The following NELL1 variants were observed in gnomAD, a reference collection of about 807,000 sequenced individuals.
The protein encoded by NELL1 is neural EGFL like 1.
A neutral mutation model predicts 107.4 loss-of-function variants in NELL1; 76 were observed. That is an observed-to-expected ratio of 0.71 (90% CI 0.59 to 0.86). The LOEUF (loss-of-function observed/expected upper bound fraction) is 0.86. Among genes scored for constraint, NELL1 ranks in the 40% least tolerant of loss-of-function variants. The pLI, the probability that NELL1 is intolerant of heterozygous loss-of-function variation, is 0.00. For synonymous variants in NELL1, 353 were observed against 341.2 expected (o/e 1.03, Z -0.38); for missense variants, 1,024 against 1,005.5 (o/e 1.02, Z -0.25).
At chr11:21,190,095 G>T (rs1461631096) in intron 13 of NELL1, among the ~76,000 whole-genome samples, 2 of 151,836 alleles carry the variant, frequency 1.3e-5, no homozygotes, top group Non-Finnish European at 2.9e-5. Flanking sequence ...GCTCATGCCT[G>T]TAATCCCAGC....
At chr11:21,461,094 G>A (rs937834494) in intron 15 of NELL1, among the ~76,000 whole-genome samples, 1 of 152,030 alleles carries the variant, frequency 6.6e-6, no homozygotes, top group Non-Finnish European at 1.5e-5. Flanking sequence ...GAAATTAGAG[G>A]CAGATGGGAA....
chr11:20,860,673 T>C (rs1848962805), intron 4 of NELL1, among the ~76,000 whole-genome samples: 2 of 152,344 alleles, frequency 1.3e-5, no homozygotes, highest in Non-Finnish European at 1.5e-5. Context: ...CTTTTGAGTA[T>C]TGTTCTCTTT....
intron 3 of NELL1, among the ~76,000 whole-genome samples, chr11:20,810,864 A>T (rs549091033): frequency 1.1e-4 from 16 of 150,886 alleles, no homozygotes; most frequent in African/African-American, 3.1e-4. Flanking sequence ...TTTTTTTTTT[A>T]AATGAGTTTT....
At position 21,334,043 on chromosome 11, in the gene NELL1, A is replaced by G. The variant is rs75182486; in HGVS notation, c.1550-36810A>G. The stretch of plus-strand genomic sequence containing the variant: ...TGCATTGGAGTTCATTCATTTATTA[A>G]TTTTTAAATTAAATCATTGTTGAGT... On this transcript the variant is annotated intron_variant, in intron 14 of 19. Coordinates refer to ENST00000357134, the MANE Select transcript of NELL1 (RefSeq NM_006157.5). 6.5e-3 allele frequency among the ~76,000 whole-genome samples: 989 copies of G among 152,178 alleles called. 11 individuals carry two copies. The highest frequency in any genetic ancestry group is 0.022 in the African/African-American group (913 of 41,554).
At chr11:20,975,963 TAC>T (rs1480136858) in intron 12 of NELL1, among the ~76,000 whole-genome samples, 1 of 98,534 alleles carries the variant, frequency 1.0e-5, no homozygotes, top group Non-Finnish European at 1.9e-5. Flanking sequence ...ACATTATATA[TAC>T]ATTATATATA....
chr11:21,546,301 T>C (rs1003260486), intron 16 of NELL1, among the ~76,000 whole-genome samples: 2 of 152,054 alleles, frequency 1.3e-5, no homozygotes, highest in Admixed American at 6.6e-5. Flanking sequence ...TAGTTTCAGC[T>C]TCCTGCCTTT....
intron 14 of NELL1, among the ~76,000 whole-genome samples, chr11:21,282,219 A>G (rs1290014483): frequency 1.3e-5 from 2 of 152,222 alleles, no homozygotes; most frequent in African/African-American, 4.8e-5. Flanking sequence ...AAAAGAAGAC[A>G]TACAAATGGC....
intron 13 of NELL1, among the ~76,000 whole-genome samples, chr11:21,161,828 A>G (rs2133800961): frequency 6.6e-6 from 1 of 151,984 alleles, no homozygotes; most frequent in African/African-American, 2.4e-5. Flanking sequence ...CTTATAGCAC[A>G]TCTTAAATTT....
At chr11:20,740,973 G>T (rs1286362724) in intron 2 of NELL1, among the ~76,000 whole-genome samples, 1 of 151,956 alleles carries the variant, frequency 6.6e-6, no homozygotes, top group Admixed American at 6.6e-5. Flanking sequence ...TCTGCTTTCT[G>T]CAGATTTAAC....
chr11:21,486,896 T>C (rs1186939226), intron 15 of NELL1, among the ~76,000 whole-genome samples: 1 of 152,044 alleles, frequency 6.6e-6, no homozygotes, highest in Non-Finnish European at 1.5e-5. Context: ...TGAAGACAAG[T>C]CTTTTGAAAT....
intron 12 of NELL1, among the ~76,000 whole-genome samples, chr11:21,062,772 C>T (rs1853772577): frequency 6.6e-6 from 1 of 152,082 alleles, no homozygotes; most frequent in Non-Finnish European, 1.5e-5. Context: ...AGAATTCAGG[C>T]AAGTTCTACA....
intron 14 of NELL1, among the ~76,000 whole-genome samples, chr11:21,361,348 C>T (rs375478072): frequency 7.5e-5 from 11 of 145,704 alleles, no homozygotes; most frequent in African/African-American, 1.5e-4. Context: ...TCTGCTGAGA[C>T]GTCTGCTATT....
chr11:20,754,766 A>G (rs1211814992), intron 2 of NELL1, among the ~76,000 whole-genome samples: 1 of 152,250 alleles, frequency 6.6e-6, no homozygotes, highest in Admixed American at 6.5e-5. Context: ...TGTAATGGAT[A>G]TAACACAAAC....
At chr11:20,957,928 T>C (rs1851211770) in intron 11 of NELL1, among the ~76,000 whole-genome samples, 2 of 152,112 alleles carry the variant, frequency 1.3e-5, no homozygotes, top group Admixed American at 1.3e-4. Context: ...AAAGAACATT[T>C]ATCTAATTGG....
chr11:21,249,044 GC>G (rs2133907808), intron 14 of NELL1, among the ~76,000 whole-genome samples: 1 of 152,186 alleles, frequency 6.6e-6, no homozygotes, highest in Admixed American at 6.5e-5. Context: ...ACCCAGCCCT[GC>G]CTGAAGTCAG....
intron 4 of NELL1, among the ~76,000 whole-genome samples, chr11:20,870,025 A>C (rs1439955105): frequency 6.6e-6 from 1 of 152,230 alleles, no homozygotes; most frequent in East Asian, 1.9e-4. Context: ...ATCAGTAAAC[A>C]TTCAGGTGAC....
chr11:21,573,469 A>C (rs2134016376), intron 19 of NELL1, 60 bp downstream of exon 19: 5 of 1,435,374 alleles, frequency 3.5e-6, no homozygotes, highest in Admixed American at 3.4e-5. Context: ...CACTTGCAGG[A>C]GGTCCACTCC....
intron 12 of NELL1, among the ~76,000 whole-genome samples, chr11:21,017,430 T>TC (rs1565016893): frequency 1.3e-5 from 2 of 152,226 alleles, no homozygotes; most frequent in East Asian, 3.9e-4. Flanking sequence ...GCTTCCCAGC[T>TC]TTTGTGTTCC....
chr11:21,180,232 G>A (rs877983), intron 13 of NELL1, among the ~76,000 whole-genome samples: 35,012 of 151,536 alleles, frequency 0.23, 4,846 homozygotes, highest in East Asian at 0.45. Flanking sequence ...ATATCTTATC[G>A]TCTGGAAGAA....
Sources: gnomAD v4.1 joint callset for allele counts (sites outside exome capture counted in the v4.1 genomes callset) on GRCh38, gnomAD v4.1.1 for gene constraint, MANE v1.5 for transcripts, NCBI Gene and HGNC (gene_info 2026-07-23, HGNC 2026-07-21) for gene names.